The following ATF2 variants were observed in gnomAD, a reference collection of about 807,000 sequenced individuals.
ATF2 encodes activating transcription factor 2, also known as cyclic AMP-dependent transcription factor ATF-2.
A neutral mutation model predicts 60.6 loss-of-function variants in ATF2; 24 were observed. That is an observed-to-expected ratio of 0.40 (90% CI 0.29 to 0.56). The LOEUF is 0.56. ATF2 is among the 20% of genes least tolerant of loss of function. The pLI, the probability that ATF2 is intolerant of heterozygous loss-of-function variation, is 0.54. For synonymous variants in ATF2, 206 were observed against 215.4 expected (o/e 0.96, Z 0.38); for missense variants, 433 against 607.7 (o/e 0.71, Z 3.02).
chr2:175,167,081 C>T (rs534167905), intron 1 of ATF2, among the ~76,000 whole-genome samples: 15 of 152,248 alleles, frequency 9.9e-5, no homozygotes, highest in African/African-American at 3.4e-4. Flanking sequence ...CCATGATATT[C>T]ACAGTAGTTT....
At chr2:175,126,875 C>T (rs1697372674) in intron 4 of ATF2, 1 of 152,064 alleles carries the variant, frequency 6.6e-6, no homozygotes, top group Non-Finnish European at 1.5e-5. Flanking sequence ...TCACTCCAAG[C>T]CAGCAAAATG....
intron 10 of ATF2, among the ~76,000 whole-genome samples, chr2:175,110,670 T>C (rs939652959): frequency 2.6e-5 from 4 of 152,216 alleles, no homozygotes; most frequent in African/African-American, 9.6e-5. Context: ...AATAGTGCGA[T>C]GCTGGCTCAC....
chr2:175,143,512 A>C (rs1342574638), intron 2 of ATF2, among the ~76,000 whole-genome samples: 2 of 152,258 alleles, frequency 1.3e-5, no homozygotes, highest in African/African-American at 4.8e-5. Context: ...GAACTTCTAG[A>C]AGTGAAACTG....
intron 3 of ATF2, among the ~76,000 whole-genome samples, chr2:175,133,882 C>T (rs188482694): frequency 4.6e-5 from 7 of 151,898 alleles, no homozygotes; most frequent in Non-Finnish European, 7.4e-5. Flanking sequence ...AATTATACCT[C>T]AATAAAAAGC....
chr2:175,151,509 G>A (rs1699311090), intron 1 of ATF2, among the ~76,000 whole-genome samples: 1 of 152,126 alleles, frequency 6.6e-6, no homozygotes, highest in Non-Finnish European at 1.5e-5. Context: ...TGAAATGTCA[G>A]TGCTGAATTT....
intron 10 of ATF2, among the ~76,000 whole-genome samples, chr2:175,104,600 G>C (rs946305641): frequency 1.3e-5 from 2 of 152,104 alleles, no homozygotes; most frequent in Non-Finnish European, 2.9e-5. Flanking sequence ...AGGCATGAAA[G>C]AATCAAGTTC....
Position 175,136,739 on chromosome 2 carries a change from T to C in ATF2, c.-43-253A>G, listed in dbSNP as rs546871481. On this transcript the variant is annotated intron_variant, in intron 2 of 13. Coordinates refer to ENST00000264110, the MANE Select transcript of ATF2 (RefSeq NM_001880.4). ...TGGAAGAAACATTTAATTCAGCCCT[T>C]AGGGCTGTGATTGAAGGGCAGCCAT... Among the ~76,000 whole-genome samples the C allele has an allele frequency of 3.3e-5, 5 of 152,262 alleles. No individual in the cohort carries two copies. The South Asian group carries it at 1.0e-3, about 32-fold the overall frequency.
At chr2:175,128,581 T>C (rs930593112) in intron 4 of ATF2, among the ~76,000 whole-genome samples, 1 of 150,844 alleles carries the variant, frequency 6.6e-6, no homozygotes, top group Non-Finnish European at 1.5e-5. Context: ...GAAATCTAAA[T>C]GAAACAGTAA....
intron 3 of ATF2, among the ~76,000 whole-genome samples, chr2:175,133,356 T>C (rs1419133755): frequency 6.6e-6 from 1 of 152,190 alleles, no homozygotes; most frequent in Admixed American, 6.5e-5. Context: ...TAAGGCTACC[T>C]GATTTGTACA....
intron 2 of ATF2, among the ~76,000 whole-genome samples, chr2:175,142,685 A>AAGAGAGAG (rs371270320): frequency 2.0e-4 from 25 of 126,338 alleles, no homozygotes; most frequent in African/African-American, 7.3e-4. Flanking sequence ...ACGCTGCCGA[A>AAGAGAGAG]AGAGAGAGAG....
At chr2:175,131,618 A>G (rs1368385572) in intron 3 of ATF2, among the ~76,000 whole-genome samples, 1 of 152,200 alleles carries the variant, frequency 6.6e-6, no homozygotes, top group Non-Finnish European at 1.5e-5. Flanking sequence ...TCTAAATAAC[A>G]TATTATCCTT....
At chr2:175,107,664 T>C (rs1272854541) in intron 10 of ATF2, among the ~76,000 whole-genome samples, 1 of 152,184 alleles carries the variant, frequency 6.6e-6, no homozygotes, top group Non-Finnish European at 1.5e-5. Context: ...GCAACCTCCC[T>C]GCCTGATTCT....
chr2:175,140,306 A>G lies in ATF2; in HGVS notation c.-43-3820T>C, dbSNP rs554454199. Among the ~76,000 whole-genome samples, 3 of 152,372 alleles carry G rather than the reference A, an allele frequency of 2.0e-5. No homozygotes were observed. The East Asian group carries it at 5.8e-4, about 29-fold the overall frequency. ...GTGACAATGGCATTCTTAAGCGAATAAAGAGATTTTCTTGAAAACTACTGA... is the reference window on the plus strand; with the variant it reads ...GTGACAATGGCATTCTTAAGCGAATGAAGAGATTTTCTTGAAAACTACTGA... On this transcript the variant is annotated intron_variant, in intron 2 of 13. Coordinates refer to ENST00000264110, the MANE Select transcript of ATF2 (RefSeq NM_001880.4).
At chr2:175,166,643 ATAAAT>A (rs1295695458) in intron 1 of ATF2, among the ~76,000 whole-genome samples, 2 of 152,236 alleles carry the variant, frequency 1.3e-5, no homozygotes, top group African/African-American at 2.4e-5. Context: ...ACAAGCTTTT[ATAAAT>A]AAAGCTTTAC....
intron 1 of ATF2, among the ~76,000 whole-genome samples, chr2:175,163,162 AATAAATAAATAAATAAATAAATGC>A (rs1486319935): frequency 2.3e-3 from 67 of 28,876 alleles, no homozygotes; most frequent in Admixed American, 5.3e-3. Flanking sequence ...TAAATAAATA[AATAAATAAATAAATAAATAAATGC>A]AAGCAAACAT....
At chr2:175,087,030 C>T (rs1694217451) in intron 12 of ATF2, among the ~76,000 whole-genome samples, 1 of 151,786 alleles carries the variant, frequency 6.6e-6, no homozygotes, top group Non-Finnish European at 1.5e-5. Context: ...AAATAAATAT[C>T]AAGGGGATGT....
At chr2:175,117,896 A>C in intron 7 of ATF2, 94 bp downstream of exon 7, 2 of 1,340,870 alleles carry the variant, frequency 1.5e-6, no homozygotes, top group Non-Finnish European at 2.0e-6. Flanking sequence ...GCTGACACTG[A>C]ATTTAATACA....
At chr2:175,114,304 A>C in intron 8 of ATF2, 196 bp from the exon 9 acceptor site, 1 of 1,313,018 alleles carries the variant, frequency 7.6e-7, no homozygotes, top group Non-Finnish European at 9.6e-7. Flanking sequence ...ATTGAAAAGA[A>C]GAGAAAAGTT....
intron 12 of ATF2, among the ~76,000 whole-genome samples, chr2:175,089,719 A>G (rs1694412811): frequency 6.6e-6 from 1 of 152,168 alleles, no homozygotes. Context: ...TACTTGACAA[A>G]TAAGTAGAAA....
Sources: gnomAD v4.1 joint callset for allele counts (sites outside exome capture counted in the v4.1 genomes callset) on GRCh38, gnomAD v4.1.1 for gene constraint, MANE v1.5 for transcripts, NCBI Gene and HGNC (gene_info 2026-07-23, HGNC 2026-07-21) for gene names.